WWC2: variants seen among roughly 807,000 people sequenced by gnomAD.
WWC2 encodes WW and C2 domain containing 2.
WWC2 carries 101 observed loss-of-function variants against 138.5 expected under a neutral mutation model. The ratio of observed to expected loss-of-function variants is 0.73; its 90% CI spans 0.62 to 0.86. The LOEUF is 0.86. Ranked by LOEUF, WWC2 falls within the 40% of genes least tolerant of loss-of-function variation. The pLI is 0.00. For missense variants in WWC2, 1,420 were observed against 1,419.4 expected, an observed-to-expected ratio of 1.00 and a Z score of -0.01; for synonymous variants, 558 against 538.4, an observed-to-expected ratio of 1.04 and a Z score of -0.50.
At chr4:183,261,650 A>C in intron 11 of WWC2, 118 bp downstream of exon 11, 1 of 1,248,908 alleles carries the variant, frequency 8.0e-7, no homozygotes. Flanking sequence ...CTTTTGAGTA[A>C]TCGTTTTGGC....
chr4:183,275,840 T>G (rs942335893), intron 16 of WWC2, among the ~76,000 whole-genome samples: 1 of 152,154 alleles, frequency 6.6e-6, no homozygotes, highest in Non-Finnish European at 1.5e-5. Context: ...TAATTTGTAT[T>G]AATTCTTCTG....
intron 4 of WWC2, among the ~76,000 whole-genome samples, chr4:183,223,048 G>A (rs1370471022): frequency 6.6e-6 from 1 of 152,204 alleles, no homozygotes; most frequent in African/African-American, 2.4e-5. Context: ...TATGATGGTA[G>A]TCCCATGAGA....
At chr4:183,184,989 A>G (rs1165189800) in intron 1 of WWC2, among the ~76,000 whole-genome samples, 1 of 152,078 alleles carries the variant, frequency 6.6e-6, no homozygotes, top group Non-Finnish European at 1.5e-5. Context: ...CTTGTTTTCC[A>G]CTTCTCCATC....
chr4:183,257,783 G>C (rs1294301656), intron 9 of WWC2, among the ~76,000 whole-genome samples: 3 of 152,142 alleles, frequency 2.0e-5, no homozygotes, highest in Non-Finnish European at 4.4e-5. Flanking sequence ...CCTTCCTCAT[G>C]CTTCTCCCAG....
chr4:183,266,163 A>T (rs1737497553), intron 14 of WWC2, among the ~76,000 whole-genome samples: 1 of 152,220 alleles, frequency 6.6e-6, no homozygotes, highest in Non-Finnish European at 1.5e-5. Flanking sequence ...TCTTTCTAAG[A>T]GTAGAAGCCA....
Position 183,265,760 on chromosome 4 carries a change from A to G in WWC2, c.2112A>G (p.Ile704Met). 3 of 1,611,254 alleles carry G rather than the reference A, an allele frequency of 1.9e-6. No homozygotes were observed. Among genetic ancestry groups the G allele is most frequent in the East Asian group, 2.2e-5 (1 of 44,824 alleles). Reference protein sequence around the residue: ...VAIVETAQVQIGLRYNAKSSS... With the variant: ...VAIVETAQVQMGLRYNAKSSS... ...TTGTAGAGACCGCCCAGGTTCAGAT[A>G]GGACTCAGGTAAGGAATGTACGTGG... The change falls in exon 13 of 23, where the codon ATA (isoleucine) becomes ATG (methionine). Residue 704 changes from isoleucine to methionine, a missense_variant. By Grantham distance (10) the Ile-to-Met change is conservative (BLOSUM62 1). Coordinates refer to ENST00000403733, the MANE Select transcript of WWC2 (RefSeq NM_024949.6).
chr4:183,284,367 G>C lies in WWC2; in HGVS notation c.3025G>C (p.Glu1009Gln). 1 of 1,613,186 alleles carries C rather than the reference G, an allele frequency of 6.2e-7. No individual in the cohort carries two copies. Among genetic ancestry groups the C allele is most frequent in the South Asian group, 1.1e-5 (1 of 91,052 alleles). Reference protein sequence around the residue: ...IVRSQTFSPGERNQYICRLNR... With the variant: ...IVRSQTFSPGQRNQYICRLNR... ...GCGCTCACAGACCTTTTCTCCAGGAGAGCGGAACCAGTACATCTGCAGGGT... is the reference window on the plus strand; with the variant it reads ...GCGCTCACAGACCTTTTCTCCAGGACAGCGGAACCAGTACATCTGCAGGGT... The change falls in exon 19 of 23, where the codon GAG becomes CAG. Residue 1009 changes from glutamate to glutamine, a missense_variant. By Grantham distance (29) the Glu-to-Gln change is conservative. Transcript: ENST00000403733.
intron 6 of WWC2, among the ~76,000 whole-genome samples, chr4:183,246,520 G>A (rs184464816): frequency 6.6e-6 from 1 of 152,104 alleles, no homozygotes; most frequent in African/African-American, 2.4e-5. Flanking sequence ...ATATAGAAAA[G>A]ACAAAATAAT....
At chr4:183,284,905 A>G (rs898078121) in intron 19 of WWC2, among the ~76,000 whole-genome samples, 4 of 152,244 alleles carry the variant, frequency 2.6e-5, no homozygotes, top group African/African-American at 7.2e-5. Context: ...TTCTACTTCT[A>G]GAAGTATTTC....
chr4:183,265,889 C>G lies in WWC2; in HGVS notation c.2145C>G (p.Phe715Leu). 1 of 1,613,304 alleles carries G rather than the reference C, an allele frequency of 6.2e-7. No individual in the cohort carries two copies. Among genetic ancestry groups the G allele is most frequent in the Non-Finnish European group, 8.5e-7 (1 of 1,179,638 alleles). The change falls in exon 14 of 23, where the codon TTC becomes TTG. Residue 715 changes from phenylalanine (F) to leucine (L), a missense_variant. Coordinates refer to ENST00000403733, the MANE Select transcript of WWC2 (RefSeq NM_024949.6). Reference protein sequence around the residue: ...GLRYNAKSSSFMVIIAQLRNL... With the variant: ...GLRYNAKSSSLMVIIAQLRNL... The stretch of plus-strand genomic sequence containing the variant: ...GATACAATGCAAAAAGTTCAAGTTT[C>G]ATGGTGATTATAGCACAGCTCCGAA...
chr4:183,118,997 A>T (rs1324810901), intron 1 of WWC2, among the ~76,000 whole-genome samples: 1 of 151,242 alleles, frequency 6.6e-6, no homozygotes, highest in Non-Finnish European at 1.5e-5. Flanking sequence ...TTTTGTCCTG[A>T]TGGTGTTTGT....
chr4:183,256,230 G>A (rs932777346), intron 9 of WWC2, among the ~76,000 whole-genome samples: 9 of 152,276 alleles, frequency 5.9e-5, no homozygotes, highest in Non-Finnish European at 1.0e-4. Context: ...TGCCATCAAA[G>A]GTTGAAGGAC....
intron 21 of WWC2, among the ~76,000 whole-genome samples, chr4:183,296,811 G>A (rs1345669339): frequency 6.6e-6 from 1 of 151,768 alleles, no homozygotes; most frequent in Non-Finnish European, 1.5e-5. Flanking sequence ...GCAGGTGCCT[G>A]TAGTCCCAGC....
chr4:183,143,478 A>C (rs552004736), intron 1 of WWC2, among the ~76,000 whole-genome samples: 2 of 152,200 alleles, frequency 1.3e-5, no homozygotes, highest in Non-Finnish European at 2.9e-5. Flanking sequence ...TAAAGTAGTG[A>C]ACATTTTTAA....
At chr4:183,196,165 G>T (rs1438332729) in intron 2 of WWC2, among the ~76,000 whole-genome samples, 1 of 152,136 alleles carries the variant, frequency 6.6e-6, no homozygotes, top group African/African-American at 2.4e-5. Context: ...AGACACTGGG[G>T]CCGTGCTTGT....
At chr4:183,310,143 T>G (rs1739162264) in intron 21 of WWC2, among the ~76,000 whole-genome samples, 3 of 152,340 alleles carry the variant, frequency 2.0e-5, no homozygotes, top group South Asian at 4.1e-4. Context: ...CATGTCATTA[T>G]ACTTTTGCCA....
At chr4:183,221,896 A>C (rs772243330) in intron 4 of WWC2, among the ~76,000 whole-genome samples, 5 of 152,200 alleles carry the variant, frequency 3.3e-5, no homozygotes, top group Non-Finnish European at 5.9e-5. Context: ...TCACACTTAC[A>C]GGTATTTACC....
chr4:183,259,405 A>G (rs938230572), intron 9 of WWC2, among the ~76,000 whole-genome samples: 1 of 152,140 alleles, frequency 6.6e-6, no homozygotes, highest in Non-Finnish European at 1.5e-5. Context: ...GGCTACCAGC[A>G]ATTTTAAATT....
intron 1 of WWC2, among the ~76,000 whole-genome samples, chr4:183,131,032 G>C (rs1003505805): frequency 6.6e-6 from 1 of 152,176 alleles, no homozygotes; most frequent in South Asian, 2.1e-4. Context: ...GTTAGATATA[G>C]ATCAGTGAGA....
Sources: gnomAD v4.1 joint callset for allele counts (sites outside exome capture counted in the v4.1 genomes callset) on GRCh38, gnomAD v4.1.1 for gene constraint, MANE v1.5 for transcripts, NCBI Gene and HGNC (gene_info 2026-07-23, HGNC 2026-07-21) for gene names.